Variants in PRIM2 observed in about 807,000 individuals in gnomAD.
PRIM2 encodes DNA primase subunit 2.
Under a neutral mutation model 67.3 loss-of-function variants are expected in PRIM2, and 39 were observed. The ratio of observed to expected loss-of-function variants is 0.58; its 90% CI spans 0.45 to 0.76. PRIM2 has a LOEUF of 0.76. PRIM2 is among the 30% of genes least tolerant of loss of function. PRIM2 has a pLI of 0.00. For synonymous variants in PRIM2, 143 were observed against 198.7 expected (o/e 0.72, Z 2.36); for missense variants, 398 against 598.7 (o/e 0.66, Z 3.50).
intron 10 of PRIM2, among the ~76,000 whole-genome samples, chr6:57,553,233 G>A (rs1775438723): frequency 6.6e-6 from 1 of 152,032 alleles, no homozygotes; most frequent in Non-Finnish European, 1.5e-5. Flanking sequence ...TGAAGATAAG[G>A]TGTGCTTTCT....
At chr6:57,457,774 G>A (rs4715695) in intron 7 of PRIM2, among the ~76,000 whole-genome samples, 1 of 152,060 alleles carries the variant, frequency 6.6e-6, no homozygotes, top group Non-Finnish European at 1.5e-5. Flanking sequence ...GCTCACATAC[G>A]GTGTGCTGCA....
the PRIM2 span, among the ~76,000 whole-genome samples, chr6:57,261,307 T>C: frequency 6.6e-5 from 10 of 152,118 alleles, no homozygotes; most frequent in Non-Finnish European, 1.5e-4. Context: ...CAGGGAGAAG[T>C]TGGAACCACA....
the PRIM2 span, among the ~76,000 whole-genome samples, chr6:57,262,281 C>T: frequency 6.6e-6 from 1 of 152,098 alleles, no homozygotes; most frequent in Non-Finnish European, 1.5e-5. Context: ...ATTAGAAATC[C>T]GTGCCTGACC....
At chr6:57,568,595 G>T (rs1286891065) in intron 10 of PRIM2, among the ~76,000 whole-genome samples, 1 of 152,212 alleles carries the variant, frequency 6.6e-6, no homozygotes, top group East Asian at 1.9e-4. Flanking sequence ...ATTGGAAGCA[G>T]TAATCATGGC....
the PRIM2 span, among the ~76,000 whole-genome samples, chr6:57,261,453 A>C: frequency 2.0e-5 from 3 of 152,224 alleles, no homozygotes; most frequent in African/African-American, 7.2e-5. Context: ...CAATGGCTGA[A>C]CTGACCCAGA....
In PRIM2 at chr6:57,400,018, T is replaced by C. The variant is rs1387501250; in HGVS notation, c.693+17850T>C. Among the ~76,000 whole-genome samples, 5 of 152,356 alleles carry C rather than the reference T, an allele frequency of 3.3e-5. No individual in the cohort carries two copies. In the East Asian group the frequency reaches 7.7e-4, roughly 24 times the overall value. The stretch of plus-strand genomic sequence containing the variant: ...CGAGACCCATTAAGAAATGGGTCTC[T>C]TGAAGACAGCATACCATTGGGTCTT... On this transcript the variant is annotated intron_variant, in intron 7 of 13. Coordinates refer to ENST00000615550, the MANE Select transcript of PRIM2 (RefSeq NM_000947.5).
the PRIM2 span, among the ~76,000 whole-genome samples, chr6:57,259,562 GC>G: frequency 6.6e-6 from 1 of 152,066 alleles, no homozygotes; most frequent in South Asian, 2.1e-4. Flanking sequence ...GTACTCAAAT[GC>G]CTGGGCTCAA....
chr6:57,254,936 A>G, the PRIM2 span, among the ~76,000 whole-genome samples: 1 of 152,214 alleles, frequency 6.6e-6, no homozygotes, highest in Non-Finnish European at 1.5e-5. Context: ...CTTAGAAGGT[A>G]TATAAGCTCT....
At chr6:57,537,334 T>A (rs1775021771) in intron 9 of PRIM2, 106 bp from the exon 10 acceptor site, 3 of 474,342 alleles carry the variant, frequency 6.3e-6, no homozygotes, top group African/African-American at 6.1e-5. Flanking sequence ...TCTTATGGTG[T>A]TTTTTTTTTA....
chr6:57,471,824 G>A (rs1278699107), intron 7 of PRIM2, among the ~76,000 whole-genome samples: 1 of 152,148 alleles, frequency 6.6e-6, no homozygotes, highest in African/African-American at 2.4e-5. Flanking sequence ...ATTTATTTGT[G>A]TAGCAATAAC....
At chr6:57,491,880 A>G (rs1390989261) in intron 7 of PRIM2, among the ~76,000 whole-genome samples, 9 of 152,008 alleles carry the variant, frequency 5.9e-5, no homozygotes, top group Admixed American at 4.6e-4. Context: ...TGGGTTCCTT[A>G]TTTGTATAAG....
chr6:57,258,929 T>C, the PRIM2 span, among the ~76,000 whole-genome samples: 1 of 152,154 alleles, frequency 6.6e-6, no homozygotes, highest in Non-Finnish European at 1.5e-5. Context: ...CTATTTCCCT[T>C]TGCCACCAAT....
intron 5 of PRIM2, among the ~76,000 whole-genome samples, chr6:57,346,464 C>A (rs942229641): frequency 6.6e-6 from 1 of 151,944 alleles, no homozygotes; most frequent in Non-Finnish European, 1.5e-5. Flanking sequence ...GGATTACAGT[C>A]GCCCACCACC....
chr6:57,311,080 A>G (rs976595171), upstream of PRIM2, among the ~76,000 whole-genome samples: 7 of 139,966 alleles, frequency 5.0e-5, no homozygotes, highest in South Asian at 2.3e-4. Context: ...GGTGCCCCTC[A>G]CTTCCCAGAC....
intron 7 of PRIM2, among the ~76,000 whole-genome samples, chr6:57,453,818 A>G (rs1450187620): frequency 2.0e-5 from 3 of 152,116 alleles, no homozygotes; most frequent in Non-Finnish European, 4.4e-5. Flanking sequence ...AACTTCCAAC[A>G]CTGTGTTGAA....
chr6:57,475,817 T>C (rs1381183057), intron 7 of PRIM2, among the ~76,000 whole-genome samples: 2 of 152,220 alleles, frequency 1.3e-5, no homozygotes, highest in Non-Finnish European at 2.9e-5. Context: ...TTAGGTTTTA[T>C]GATATATACA....
intron 7 of PRIM2, among the ~76,000 whole-genome samples, chr6:57,481,379 T>A (rs1773624764): frequency 6.6e-6 from 1 of 152,180 alleles, no homozygotes; most frequent in Admixed American, 6.5e-5. Context: ...TTGGCTGTTT[T>A]GTTGTTGTTG....
At chr6:57,598,030 A>G (rs1360654843) in intron 10 of PRIM2, among the ~76,000 whole-genome samples, 1 of 152,232 alleles carries the variant, frequency 6.6e-6, no homozygotes, top group Non-Finnish European at 1.5e-5. Context: ...AGTAAAAACT[A>G]TAAGCTCTTT....
At chr6:57,506,709 A>T (rs1774258178) in intron 7 of PRIM2, among the ~76,000 whole-genome samples, 2 of 152,208 alleles carry the variant, frequency 1.3e-5, no homozygotes, top group Admixed American at 1.3e-4. Context: ...GAAAATAGAG[A>T]TACATAGATA....
Sources: allele counts gnomAD v4.1 joint callset (sites outside exome capture counted in the v4.1 genomes callset), GRCh38; gene constraint gnomAD v4.1.1; transcripts MANE v1.5; gene names NCBI Gene and HGNC (gene_info 2026-07-23, HGNC 2026-07-21).